Variants in KLHL7 observed in about 807,000 individuals in gnomAD.
KLHL7 encodes kelch like family member 7, also known as kelch-like protein 7.
Under a neutral mutation model 67.4 loss-of-function variants are expected in KLHL7, and 44 were observed. The observed-to-expected ratio is 0.65, with a 90% CI of 0.51 to 0.84. KLHL7 has a LOEUF of 0.84. Among genes scored for constraint, KLHL7 ranks in the 40% least tolerant of loss-of-function variants. The probability of loss-of-function intolerance (pLI) is 0.00; values close to 1 mark genes in which losing one functional copy is unlikely to be tolerated. For synonymous variants in KLHL7, 252 were observed against 243.3 expected, an observed-to-expected ratio of 1.04 and a Z score of -0.33; for missense variants, 362 against 718.1, an observed-to-expected ratio of 0.50 and a Z score of 5.67.
intron 3 of KLHL7, 81 bp downstream of exon 3, chr7:23,124,862 A>C: frequency 8.7e-7 from 1 of 1,151,594 alleles, no homozygotes; most frequent in Non-Finnish European, 1.3e-6. Flanking sequence ...AAATAGTTGC[A>C]CTACAAATTC....
chr7:23,172,429 A>C (rs1785190750), intron 9 of KLHL7, among the ~76,000 whole-genome samples: 1 of 152,198 alleles, frequency 6.6e-6, no homozygotes, highest in South Asian at 2.1e-4. Flanking sequence ...CTTAGTGTAG[A>C]TTTAAAGATG....
At chr7:23,114,940 TA>T (rs1453005788) in intron 1 of KLHL7, among the ~76,000 whole-genome samples, 1 of 152,230 alleles carries the variant, frequency 6.6e-6, no homozygotes, top group Non-Finnish European at 1.5e-5. Flanking sequence ...CTCTCATGAT[TA>T]AATTCCAACA....
Position 23,146,667 on chromosome 7 carries a change from T to TTC in KLHL7, c.793+2643_793+2644insCT, listed in dbSNP as rs61573730. 6.4e-3 allele frequency among the ~76,000 whole-genome samples: 461 copies of TTC among 71,614 alleles called. 2 individuals are homozygous for TTC. The highest frequency in any genetic ancestry group is 9.3e-3 in the African/African-American group (203 of 21,796). 47.0% of individuals were successfully genotyped at this position (71,614 alleles called of 152,430 possible). ...GTTCTTCTTCTTCTTCTTCTTCTTC[T>TTC]TTTTTTTTTAATTTTAAGGCTATAT... On this transcript the variant is annotated intron_variant, in intron 6 of 10. Coordinates refer to ENST00000339077, the MANE Select transcript of KLHL7 (RefSeq NM_001031710.3).
intron 8 of KLHL7, among the ~76,000 whole-genome samples, chr7:23,167,470 C>A (rs1028129271): frequency 1.3e-5 from 2 of 152,132 alleles, no homozygotes; most frequent in Non-Finnish European, 2.9e-5. Flanking sequence ...AACTATTATG[C>A]TTTTCCACTT....
chr7:23,171,139 T>C, intron 9 of KLHL7: 1 of 338,900 alleles, frequency 3.0e-6, no homozygotes, highest in Non-Finnish European at 6.0e-6. Context: ...TCTCTTGACC[T>C]TGTGATCTGC....
At chr7:23,137,965 C>T (rs1042511568) in intron 4 of KLHL7, among the ~76,000 whole-genome samples, 5 of 150,400 alleles carry the variant, frequency 3.3e-5, no homozygotes, top group Non-Finnish European at 5.9e-5. Context: ...CACTTGAGGT[C>T]GGGAGTTCGA....
intron 1 of KLHL7, among the ~76,000 whole-genome samples, chr7:23,115,363 A>G (rs906708710): frequency 2.0e-5 from 3 of 152,148 alleles, no homozygotes; most frequent in African/African-American, 7.2e-5. Flanking sequence ...CAAAGAAAAC[A>G]TAACAATCTT....
At chr7:23,161,844 C>T (rs1365719885) in intron 7 of KLHL7, among the ~76,000 whole-genome samples, 2 of 152,236 alleles carry the variant, frequency 1.3e-5, no homozygotes, top group Non-Finnish European at 2.9e-5. Context: ...TGAACTATCA[C>T]TCAATGAAAA....
intron 7 of KLHL7, among the ~76,000 whole-genome samples, chr7:23,161,873 A>G (rs1784863295): frequency 6.6e-6 from 1 of 152,228 alleles, no homozygotes; most frequent in Non-Finnish European, 1.5e-5. Context: ...CAGTATGCTG[A>G]GCCCTGGGCC....
At chr7:23,130,491 CA>C (rs1296088534) in intron 4 of KLHL7, among the ~76,000 whole-genome samples, 1 of 152,100 alleles carries the variant, frequency 6.6e-6, no homozygotes, top group East Asian at 1.9e-4. Context: ...ATTTGCTATA[CA>C]ATTATCAATT....
At chr7:23,147,964 C>G (rs907736774) in intron 6 of KLHL7, among the ~76,000 whole-genome samples, 1 of 152,202 alleles carries the variant, frequency 6.6e-6, no homozygotes, top group Admixed American at 6.5e-5. Flanking sequence ...AACCACCAAT[C>G]CTAGTGATCC....
chr7:23,135,860 A>G lies in KLHL7; in HGVS notation c.443-4909A>G, dbSNP rs1783958250. 2.0e-5 allele frequency among the ~76,000 whole-genome samples: 3 copies of G among 152,262 alleles called. No individual in the cohort carries two copies. The South Asian group carries it at 6.2e-4, about 31-fold the overall frequency. On this transcript the variant is annotated intron_variant, in intron 4 of 10. Transcript: ENST00000339077. ...GAAGCAGTATAGTATATTACAAAAA[A>G]TAACCATAAATTCTTTCCATCCATT...
intron 7 of KLHL7, among the ~76,000 whole-genome samples, chr7:23,155,716 TTAA>T (rs1224774627): frequency 6.6e-6 from 1 of 152,004 alleles, no homozygotes; most frequent in Non-Finnish European, 1.5e-5. Flanking sequence ...AAACTATAGA[TTAA>T]TAATAATTAC....
At chr7:23,140,542 G>A (rs1784142082) in intron 4 of KLHL7, 1 of 526,164 alleles carries the variant, frequency 1.9e-6, no homozygotes, top group Non-Finnish European at 3.5e-6. Context: ...GGGCGATGGA[G>A]CGAGACTCCG....
At chr7:23,146,667 T>TTCTTCTTCGTC (rs61573730) in intron 6 of KLHL7, among the ~76,000 whole-genome samples, 7 of 71,624 alleles carry the variant, frequency 9.8e-5, no homozygotes, top group African/African-American at 3.2e-4. Flanking sequence ...CTTCTTCTTC[T>TTCTTCTTCGTC]TTTTTTTTTA....
In KLHL7 at chr7:23,140,906, C is replaced by T; in HGVS notation, c.580C>T (p.Leu194Phe). Residue 194 changes from leucine (L) to phenylalanine (F), a missense_variant, in exon 5 of 11, where the codon CTC (leucine) becomes TTC (phenylalanine). Physicochemically the swap from Leu to Phe is conservative, Grantham distance 22. Coordinates refer to ENST00000339077, the MANE Select transcript of KLHL7 (RefSeq NM_001031710.3). ...TGATGTCAAGCGAGTAACACATCTT[C>T]TCAACCAGGACACTCTGACTGTGAG... ...QLDVKRVTHLLNQDTLTVRAE... is the reference protein window; with the variant it reads ...QLDVKRVTHLFNQDTLTVRAE... The T allele has an allele frequency of 3.1e-6, 5 of 1,614,054 alleles. No homozygotes were observed. Among genetic ancestry groups the T allele is most frequent in the Non-Finnish European group, 4.2e-6 (5 of 1,180,000 alleles).
At chr7:23,129,464 C>G in intron 4 of KLHL7, 1 of 338,918 alleles carries the variant, frequency 3.0e-6, no homozygotes, top group Admixed American at 3.6e-5. Flanking sequence ...CTGCCATAGG[C>G]AGAAGCCCTA....
At chr7:23,107,766 A>G (rs1299717265) in intron 1 of KLHL7, among the ~76,000 whole-genome samples, 1 of 152,214 alleles carries the variant, frequency 6.6e-6, no homozygotes, top group African/African-American at 2.4e-5. Flanking sequence ...AACTGACCTT[A>G]ATCTGCCAGG....
In KLHL7 at chr7:23,124,763, A is replaced by T; in HGVS notation, c.299A>T (p.Glu100Val). Residue 100 changes from glutamate (E) to valine (V), a missense_variant, in exon 3 of 11, where the codon GAA becomes GTA. Transcript: ENST00000339077. ...CCTGATATTATTGAACAACTGGTGG[A>T]ATTTGCTTATACTGCTAGGTGAGTT... Reference protein sequence around the residue: ...AEPDIIEQLVEFAYTARISVN... With the variant: ...AEPDIIEQLVVFAYTARISVN... The T allele has an allele frequency of 6.2e-7, 1 of 1,606,232 alleles. No homozygotes were observed. The highest frequency in any genetic ancestry group is 8.5e-7 in the Non-Finnish European group (1 of 1,172,808).
Sources: gnomAD v4.1 joint callset for allele counts (sites outside exome capture counted in the v4.1 genomes callset) on GRCh38, gnomAD v4.1.1 for gene constraint, MANE v1.5 for transcripts, NCBI Gene and HGNC (gene_info 2026-07-23, HGNC 2026-07-21) for gene names.